Variants in ADGRV1 observed in about 807,000 individuals in gnomAD.
ADGRV1 encodes the protein adhesion G protein-coupled receptor V1.
ADGRV1 carries 359 observed loss-of-function variants against 596.2 expected under a neutral mutation model. The observed-to-expected ratio is 0.60, with a 90% CI of 0.55 to 0.66. The LOEUF (loss-of-function observed/expected upper bound fraction) is 0.66, where lower values mean the gene tolerates loss of function less well. Among genes scored for constraint, ADGRV1 ranks in the 30% least tolerant of loss-of-function variants. ADGRV1 has a pLI of 0.00. For missense variants in ADGRV1, 7,274 were observed against 7,575.6 expected (o/e 0.96, Z 1.48); for synonymous variants, 2,681 against 2,679.2 (o/e 1.00, Z -0.02).
rs747728554 is a variant in ADGRV1 at position 90,863,795 on chromosome 5, A to G, written c.17794A>G (p.Arg5932Gly). The G allele has an allele frequency of 1.2e-6, 2 of 1,613,564 alleles. No homozygotes were observed. The highest frequency in any genetic ancestry group is 1.7e-6 in the Non-Finnish European group (2 of 1,179,578). Residue 5932 changes from arginine (R) to glycine (G), a missense_variant, in exon 83 of 90, where the codon AGG becomes GGG. Physicochemically the swap from Arg to Gly is moderately radical, Grantham distance 125. Around this residue, in one of 5 missense-constraint regions of ADGRV1, gnomAD observed 1,874 missense variants for 1,970.2 expected, o/e 0.95. Transcript: ENST00000405460. ...TGTTCTTTCCCATATCTTCTGTGCC[A>G]GGTACTCCATGTTTGCAGCTAAACT... ...LAVLSHIFCA[R>G]YSMFAAKLLT...
chr5:90,695,569 T>A (rs1329387440), intron 33 of ADGRV1, among the ~76,000 whole-genome samples: 2 of 152,126 alleles, frequency 1.3e-5, no homozygotes, highest in Non-Finnish European at 2.9e-5. Flanking sequence ...AGAAACTTTG[T>A]TCCTAATTCT....
chr5:91,093,847 GTAAGTT>G (rs1562209527), intron 86 of ADGRV1, among the ~76,000 whole-genome samples: 1 of 143,106 alleles, frequency 7.0e-6, no homozygotes, highest in African/African-American at 2.9e-5. Context: ...GTATACATAC[GTAAGTT>G]TTTTTTTTTT....
At chr5:91,129,344 C>G (rs892419754) in intron 87 of ADGRV1, among the ~76,000 whole-genome samples, 1 of 152,166 alleles carries the variant, frequency 6.6e-6, no homozygotes, top group South Asian at 2.1e-4. Context: ...GAAGAGTTCT[C>G]CCCTGCCTGT....
chr5:90,687,368 C>T (rs1745811659), intron 29 of ADGRV1, among the ~76,000 whole-genome samples: 1 of 151,998 alleles, frequency 6.6e-6, no homozygotes, highest in Non-Finnish European at 1.5e-5. Context: ...GTCTTTAATC[C>T]ATCTTGAATT....
intron 87 of ADGRV1, among the ~76,000 whole-genome samples, chr5:91,120,731 G>A (rs141658712): frequency 1.3e-5 from 2 of 152,250 alleles, no homozygotes; most frequent in African/African-American, 4.8e-5. Context: ...AAAACACTGG[G>A]CTCCACCTGG....
intron 29 of ADGRV1, among the ~76,000 whole-genome samples, chr5:90,686,916 G>T (rs1226372362): frequency 6.6e-6 from 1 of 152,192 alleles, no homozygotes; most frequent in South Asian, 2.1e-4. Context: ...TCTAACTGGT[G>T]TGAGATGGTA....
chr5:90,656,314 G>A (rs552218526), intron 20 of ADGRV1, among the ~76,000 whole-genome samples: 5 of 152,016 alleles, frequency 3.3e-5, no homozygotes, highest in Non-Finnish European at 7.4e-5. Flanking sequence ...AAATAAATTC[G>A]CTAGCATCAC....
At chr5:90,936,277 T>C (rs544656789) in intron 83 of ADGRV1, among the ~76,000 whole-genome samples, 130 of 152,250 alleles carry the variant, frequency 8.5e-4, no homozygotes, top group Non-Finnish European at 1.3e-3. Context: ...ACATTAATTA[T>C]GGTGTTCTCC....
rs1237622438 is a variant in ADGRV1 at position 90,756,988 on chromosome 5, G to A, written c.11767G>A (p.Glu3923Lys). 1.3e-6 allele frequency: 2 copies of A among 1,599,672 alleles called. No homozygotes were observed. The highest frequency in any genetic ancestry group is 2.3e-5 in the South Asian group (2 of 88,782). The stretch of plus-strand genomic sequence containing the variant: ...TATTCTTTACTTAAAGGGCGCTGGG[G>A]AAGTTATTACTGCCTATGAGGTGCC... ...FMFHVTRGAG[E>K]VITAYEVPPP... The change falls in exon 57 of 90, where the codon GAA becomes AAA. Residue 3923 changes from glutamate to lysine, a missense_variant. Transcript: ENST00000405460.
intron 58 of ADGRV1, chr5:90,759,820 C>G: frequency 2.2e-6 from 1 of 454,616 alleles, no homozygotes; most frequent in Non-Finnish European, 4.1e-6. Flanking sequence ...CAAAAATTAG[C>G]TGGGCGTGGT....
At chr5:90,571,312 C>T (rs973805849) in intron 1 of ADGRV1, among the ~76,000 whole-genome samples, 1 of 152,014 alleles carries the variant, frequency 6.6e-6, no homozygotes, top group Non-Finnish European at 1.5e-5. Context: ...TCTGCCTAAC[C>T]TTCACTTCCT....
intron 85 of ADGRV1, among the ~76,000 whole-genome samples, chr5:90,991,251 G>A (rs994964980): frequency 7.2e-5 from 11 of 152,112 alleles, no homozygotes; most frequent in Non-Finnish European, 1.0e-4. Context: ...CTTCTAAAAT[G>A]CCTGCTTTGT....
chr5:90,831,711 C>T (rs543475626), intron 77 of ADGRV1, among the ~76,000 whole-genome samples: 1 of 152,146 alleles, frequency 6.6e-6, no homozygotes, highest in East Asian at 1.9e-4. Flanking sequence ...TCCCTCAACC[C>T]CCTCTGCCCC....
At chr5:90,799,461 C>G (rs1270444489) in intron 70 of ADGRV1, among the ~76,000 whole-genome samples, 1 of 152,168 alleles carries the variant, frequency 6.6e-6, no homozygotes, top group Non-Finnish European at 1.5e-5. Context: ...TTTCCATGCT[C>G]ATGGATAGGA....
chr5:90,736,128 T>C (rs1316651402), intron 50 of ADGRV1, among the ~76,000 whole-genome samples: 1 of 152,166 alleles, frequency 6.6e-6, no homozygotes, highest in Non-Finnish European at 1.5e-5. Context: ...TATGTGACTT[T>C]TATTGTACTG....
chr5:90,694,834 A>G lies in ADGRV1; in HGVS notation c.7945+133A>G, dbSNP rs111887612. On this transcript the variant is annotated intron_variant, in intron 33 of 89. Coordinates refer to ENST00000405460, the MANE Select transcript of ADGRV1 (RefSeq NM_032119.4). ...ACAGAAATGTAGTTTGGCTTTAGAAAAAAATAGAAGTTAATTGGCTTGTTA... is the reference window on the plus strand; with the variant it reads ...ACAGAAATGTAGTTTGGCTTTAGAAGAAAATAGAAGTTAATTGGCTTGTTA... 14 of 824,788 alleles carry G rather than the reference A, an allele frequency of 1.7e-5. 1 individual carries two copies. In the African/African-American group the frequency reaches 1.7e-4, roughly 10 times the overall value. 51.1% of individuals were successfully genotyped at this position (824,788 alleles called of 1,614,324 possible).
intron 76 of ADGRV1, among the ~76,000 whole-genome samples, chr5:90,825,485 T>C (rs1057225020): frequency 6.6e-6 from 1 of 152,248 alleles, no homozygotes; most frequent in African/African-American, 2.4e-5. Context: ...TTTGCATACA[T>C]GATTACTAAA....
At chr5:90,899,835 A>G (rs943144843) in intron 83 of ADGRV1, among the ~76,000 whole-genome samples, 1 of 152,136 alleles carries the variant, frequency 6.6e-6, no homozygotes, top group African/African-American at 2.4e-5. Flanking sequence ...TCTGATAACG[A>G]GAGCAAGGTC....
chr5:90,713,340 C>CT (rs540515777), intron 42 of ADGRV1, among the ~76,000 whole-genome samples: 4,308 of 135,696 alleles, frequency 0.032, 129 homozygotes, highest in African/African-American at 0.082. Context: ...CCCCAGAAGC[C>CT]TTTTTTTTTT....
Sources: allele counts gnomAD v4.1 joint callset (sites outside exome capture counted in the v4.1 genomes callset), GRCh38; gene constraint gnomAD v4.1.1; regional missense constraint gnomAD v4.1.1; transcripts MANE v1.5; gene names NCBI Gene and HGNC (gene_info 2026-07-23, HGNC 2026-07-21).